STT3A: variants seen among roughly 807,000 people sequenced by gnomAD.
STT3A encodes dolichyl-diphosphooligosaccharide--protein glycosyltransferase subunit STT3A.
In STT3A, 34 loss-of-function variants were observed where a neutral mutation model predicts 89.2. The ratio of observed to expected loss-of-function variants is 0.38; its 90% CI spans 0.29 to 0.51. The LOEUF (loss-of-function observed/expected upper bound fraction) is 0.51, where lower values mean the gene tolerates loss of function less well. Ranked by LOEUF, STT3A falls within the 20% of genes least tolerant of loss-of-function variation. The pLI is 0.89. For synonymous variants in STT3A, 282 were observed against 310.3 expected (o/e 0.91, Z 0.96); for missense variants, 555 against 889.5 (o/e 0.62, Z 4.78).
upstream of STT3A, chr11:125,592,730 GC>G (rs932983161): frequency 3.4e-6 from 1 of 296,840 alleles, no homozygotes; most frequent in Non-Finnish European, 6.8e-6. Flanking sequence ...TTGAATCGCG[GC>G]CCGGTTTACG....
intron 1 of STT3A, among the ~76,000 whole-genome samples, chr11:125,595,366 A>C (rs879339851): frequency 6.6e-6 from 1 of 151,740 alleles, no homozygotes; most frequent in Non-Finnish European, 1.5e-5. Flanking sequence ...TATTGCTCAG[A>C]TTGGTCTTGA....
chr11:125,603,811 A>G (rs112149383), intron 5 of STT3A, among the ~76,000 whole-genome samples: 209 of 152,276 alleles, frequency 1.4e-3, no homozygotes, highest in South Asian at 0.01. Flanking sequence ...TGGTGTTCCA[A>G]TGATGTACAG....
Position 125,613,208 on chromosome 11 carries a change from G to A in STT3A, c.1554+31G>A, listed in dbSNP as rs1418223929. ...GATTTGGGAGGGGTGGGAATTGTGG[G>A]TTAGGGGCAAAGGGGAAGACATTTG... On this transcript the variant is annotated intron_variant, in intron 13 of 17. Transcript: ENST00000392708. The surrounding 1 kb of genome is among the most constrained non-coding windows in gnomAD (Gnocchi z 4.2). The A allele has an allele frequency of 6.2e-7, 1 of 1,608,244 alleles. No homozygotes were observed. Among genetic ancestry groups the A allele is most frequent in the Non-Finnish European group, 8.5e-7 (1 of 1,176,448 alleles).
chr11:125,612,833 T>G, intron 12 of STT3A, 86 bp downstream of exon 12: 2 of 1,544,048 alleles, frequency 1.3e-6, no homozygotes, highest in Non-Finnish European at 1.8e-6. Context: ...GTGGGAGGAG[T>G]AAAGTAGAGC....
intron 11 of STT3A, among the ~76,000 whole-genome samples, chr11:125,611,828 T>C (rs1171462538): frequency 6.7e-6 from 1 of 150,002 alleles, no homozygotes; most frequent in Admixed American, 6.7e-5. Flanking sequence ...CTTGGGAGTA[T>C]TACCCAGTGC....
chr11:125,606,114 G>C, intron 7 of STT3A, 187 bp from the exon 8 acceptor site: 1 of 574,894 alleles, frequency 1.7e-6, no homozygotes. Context: ...ACCTGTACAT[G>C]TAAGGACTTG....
chr11:125,594,422 A>T (rs1372249328), intron 1 of STT3A, among the ~76,000 whole-genome samples: 1 of 152,050 alleles, frequency 6.6e-6, no homozygotes, highest in Non-Finnish European at 1.5e-5. Flanking sequence ...TCTACTAAAA[A>T]TACAAAAATT....
chr11:125,610,057 C>CTTTTTTTTTTTTTTTTTTTTTTTTTTT (rs66578574), intron 10 of STT3A, among the ~76,000 whole-genome samples: 3 of 106,036 alleles, frequency 2.8e-5, no homozygotes, highest in African/African-American at 3.4e-5. Flanking sequence ...TAACTTTTAC[C>CTTTTTTTTTTTTTTTTTTTTTTTTTTT]TTTTTTTTTT....
chr11:125,613,100 C>T lies in STT3A; in HGVS notation c.1477C>T (p.Arg493Cys), dbSNP rs1355106293. Residue 493 changes from arginine to cysteine, a missense_variant, in exon 13 of 18, where the codon CGT (arginine) becomes TGT (cysteine). Arg to Cys is a radical substitution (Grantham distance 180, BLOSUM62 -3). Coordinates refer to ENST00000392708, the MANE Select transcript of STT3A (RefSeq NM_152713.5). The surrounding 1 kb of genome is among the most constrained non-coding windows in gnomAD (Gnocchi z 4.2). Reference sequence around the variant, plus strand: ...TTCTCCGTCCATTGTACTATCTGCCCGTGGTGGGGATGGCAGTAGGATCAT... The same window carrying T: ...TTCTCCGTCCATTGTACTATCTGCCTGTGGTGGGGATGGCAGTAGGATCAT... ...YSSPSIVLSA[R>C]GGDGSRIIFD... The T allele has an allele frequency of 8.7e-6, 14 of 1,613,674 alleles. No individual in the cohort carries two copies. Among genetic ancestry groups the T allele is most frequent in the Non-Finnish European group, 1.1e-5 (13 of 1,179,900 alleles).
In STT3A at chr11:125,613,703, A is replaced by C. The variant is rs966690603; in HGVS notation, c.1555-384A>C. On this transcript the variant is annotated intron_variant, in intron 13 of 17. Transcript: ENST00000392708. The surrounding 1 kb of genome is among the most constrained non-coding windows in gnomAD (Gnocchi z 4.2). ...CTTGTCCATCGTATCATGTGATTTGAGTTTCCACCCCATCTTTATAGTAAG... is the reference window on the plus strand; with the variant it reads ...CTTGTCCATCGTATCATGTGATTTGCGTTTCCACCCCATCTTTATAGTAAG... 5.8e-6 allele frequency: 1 copy of C among 173,750 alleles called. No homozygotes were observed. 10.8% of individuals were successfully genotyped at this position (173,750 alleles called of 1,614,324 possible).
rs766414311 is a variant in STT3A, at chr11:125,614,297, C to G, written c.1672-27C>G. On this transcript the variant is annotated intron_variant, in intron 14 of 17. Coordinates refer to ENST00000392708, the MANE Select transcript of STT3A (RefSeq NM_152713.5). The surrounding 1 kb of genome is among the most constrained non-coding windows in gnomAD (Gnocchi z 4.9). Reference sequence around the variant, plus strand: ...GGATCATATGACTTGGGATTTTGCTCTGAGAATTGTACATTTGTTTTTCCA... The same window carrying G: ...GGATCATATGACTTGGGATTTTGCTGTGAGAATTGTACATTTGTTTTTCCA... The G allele has an allele frequency of 5.6e-6, 9 of 1,613,906 alleles. No individual in the cohort carries two copies. The South Asian group carries it at 9.9e-5, about 18-fold the overall frequency.
chr11:125,608,134 C>T lies in STT3A; in HGVS notation c.806C>T (p.Ala269Val). The T allele has an allele frequency of 1.2e-6, 2 of 1,611,344 alleles. No individual in the cohort carries two copies. Among genetic ancestry groups the T allele is most frequent in the Non-Finnish European group, 1.7e-6 (2 of 1,179,056 alleles). The stretch of plus-strand genomic sequence containing the variant: ...CCTGTCCTTTCATCAGAGCACATGG[C>T]AGCCTTTGGGGTCTTTGGTCTCTGC... Reference protein sequence around the residue: ...FQPVLSSEHMAAFGVFGLCQI... With the variant: ...FQPVLSSEHMVAFGVFGLCQI... The change falls in exon 9 of 18, where the codon GCA (alanine) becomes GTA (valine). Residue 269 changes from alanine to valine, a missense_variant. Ala to Val is a moderately conservative substitution (Grantham distance 64). Transcript: ENST00000392708.
At chr11:125,598,485 T>C (rs577932599) in intron 3 of STT3A, among the ~76,000 whole-genome samples, 95 of 152,346 alleles carry the variant, frequency 6.2e-4, no homozygotes, top group African/African-American at 2.3e-3. Flanking sequence ...TATTTGCAAA[T>C]TTATAATTTT....
intron 3 of STT3A, among the ~76,000 whole-genome samples, chr11:125,598,270 AG>A (rs1276803458): frequency 2.0e-5 from 3 of 152,032 alleles, no homozygotes; most frequent in African/African-American, 7.2e-5. Context: ...TGGTTATCTA[AG>A]GTTGATTATT....
intron 3 of STT3A, among the ~76,000 whole-genome samples, chr11:125,597,903 T>C (rs1291656891): frequency 6.6e-6 from 1 of 152,144 alleles, no homozygotes. Flanking sequence ...GTAGGTACTA[T>C]TATTCCCTTC....
rs1940087273 is a variant in STT3A, at chr11:125,613,531, G to A, written c.1554+354G>A. Among the ~76,000 whole-genome samples, 1 of 152,160 alleles carries A rather than the reference G, an allele frequency of 6.6e-6. No individual in the cohort carries two copies. The highest frequency in any genetic ancestry group is 1.5e-5 in the Non-Finnish European group (1 of 68,006). On this transcript the variant is annotated intron_variant, in intron 13 of 17. Coordinates refer to ENST00000392708, the MANE Select transcript of STT3A (RefSeq NM_152713.5). The surrounding 1 kb of genome is among the most constrained non-coding windows in gnomAD (Gnocchi z 4.2). ...TCAAGAAGAAAGATATAAATCTTGT[G>A]TAAAGTGATCACCTTATGATAACTG... is the stretch of plus-strand genomic sequence containing the variant.
At position 125,595,874 on chromosome 11, in the gene STT3A, AT is replaced by A; in HGVS notation, c.-35-3del. 7.3e-7 allele frequency: 1 copy of A among 1,364,270 alleles called. No homozygotes were observed. Among genetic ancestry groups the A allele is most frequent in the Non-Finnish European group, 1.0e-6 (1 of 959,332 alleles). 84.5% of individuals were successfully genotyped at this position (1,364,270 alleles called of 1,614,324 possible). On this transcript the variant is annotated splice_polypyrimidine_tract_variant and splice_region_variant and intron_variant, in intron 1 of 17. Transcript: ENST00000392708. ...AATATCTTGTGGTCTTGACTTTTTC[AT>A]TTTAGCTGATCGTCGTGTGTTGCCA... is the stretch of plus-strand genomic sequence containing the variant.
chr11:125,609,365 G>A (rs1939932577), intron 9 of STT3A, 69 bp from the exon 10 acceptor site: 2 of 1,474,334 alleles, frequency 1.4e-6, no homozygotes, highest in Admixed American at 2.5e-5. Context: ...ATGGGAAGTT[G>A]TGATTCATTT....
In STT3A at chr11:125,602,326, G is replaced by A. The variant is rs770646467; in HGVS notation, c.173G>A (p.Arg58Lys). The change falls in exon 4 of 18, where the codon AGG becomes AAG. Residue 58 changes from arginine to lysine, a missense_variant. Physicochemically the swap from Arg to Lys is conservative, Grantham distance 26 (BLOSUM62 2). Around this residue, in one of 5 missense-constraint regions of STT3A, gnomAD observed 129 missense variants for 193.2 expected, o/e 0.67. Coordinates refer to ENST00000392708, the MANE Select transcript of STT3A (RefSeq NM_152713.5). ...FDPYFNYRTT[R>K]FLAEEGFYKF... ...AGGTACTTTAATTATCGGACTACCAGGTTCCTGGCTGAGGAGGGGTTTTAT... is the reference window on the plus strand; with the variant it reads ...AGGTACTTTAATTATCGGACTACCAAGTTCCTGGCTGAGGAGGGGTTTTAT... 1 of 1,613,670 alleles carries A rather than the reference G, an allele frequency of 6.2e-7. No individual in the cohort carries two copies.
Sources: allele counts gnomAD v4.1 joint callset (sites outside exome capture counted in the v4.1 genomes callset), GRCh38; gene constraint gnomAD v4.1.1; regional missense constraint gnomAD v4.1.1; non-coding constraint Gnocchi (gnomAD v3.1); transcripts MANE v1.5; gene names NCBI Gene and HGNC (gene_info 2026-07-23, HGNC 2026-07-21).